The following IL21R variants were observed in gnomAD, a reference collection of about 807,000 sequenced individuals.
The protein encoded by IL21R is interleukin 21 receptor.
A neutral mutation model predicts 41.3 loss-of-function variants in IL21R; 14 were observed. That is an observed-to-expected ratio of 0.34 (90% CI 0.22 to 0.53). The LOEUF is 0.53. IL21R is among the 20% of genes least tolerant of loss of function. The pLI is 0.94. For synonymous variants in IL21R, 286 were observed against 287.6 expected (o/e 0.99, Z 0.05); for missense variants, 588 against 681.6 (o/e 0.86, Z 1.53).
intron 1 of IL21R, among the ~76,000 whole-genome samples, chr16:27,410,550 C>T (rs1361719779): frequency 1.3e-5 from 2 of 152,218 alleles, no homozygotes; most frequent in Non-Finnish European, 2.9e-5. Flanking sequence ...CCCACTTCAA[C>T]TGACCACCAG....
Position 27,418,011 on chromosome 16 carries a change from ATTTATTTTATTTTATTTTATTTTAT to A in IL21R, c.-16-12012_-16-11988del, listed in dbSNP as rs1171442663. 7.2e-4 allele frequency among the ~76,000 whole-genome samples: 71 copies of A among 97,970 alleles called. 1 individual carries two copies. The South Asian group carries it at 0.011, about 15-fold the overall frequency. The allele number at this position is 97,970 out of a possible 152,430, so 64.3% of individuals were successfully genotyped here. A position where few individuals can be genotyped will look rare whatever the true frequency, so the allele number is the denominator to read the frequency against. On this transcript the variant is annotated intron_variant, in intron 1 of 8. Coordinates refer to ENST00000337929, the MANE Select transcript of IL21R (RefSeq NM_181078.3). ...CTTACTGTAACATTTTTCCTATTTT[ATTTATTTTATTTTATTTTATTTTAT>A]TTTATTTTATTTTATTTTATTTTAT...
intron 1 of IL21R, among the ~76,000 whole-genome samples, chr16:27,418,851 C>G (rs894530207): frequency 4.6e-5 from 7 of 150,586 alleles, no homozygotes; most frequent in African/African-American, 1.5e-4. Context: ...ATTCTAAAAG[C>G]CTTTTTATAT....
At chr16:27,419,620 G>T (rs959837701) in intron 1 of IL21R, among the ~76,000 whole-genome samples, 1 of 152,082 alleles carries the variant, frequency 6.6e-6, no homozygotes, top group African/African-American at 2.4e-5. Context: ...TAGAGATGGG[G>T]TTTCACCATG....
chr16:27,418,438 A>G (rs544311307), intron 1 of IL21R, among the ~76,000 whole-genome samples: 11 of 146,386 alleles, frequency 7.5e-5, no homozygotes, highest in South Asian at 6.6e-4. Flanking sequence ...TCGCGATCTC[A>G]GCTCACTGCA....
chr16:27,418,011 ATTTATTTTATTTTATTTTAT>A (rs1171442663), intron 1 of IL21R, among the ~76,000 whole-genome samples: 6,449 of 97,884 alleles, frequency 0.066, 225 homozygotes, highest in South Asian at 0.16. Flanking sequence ...TTCCTATTTT[ATTTATTTTATTTTATTTTAT>A]TTTATTTTAT....
rs3093304 is a variant in IL21R, at chr16:27,429,635, G to A, written c.-16-421G>A. Reference sequence around the variant, plus strand: ...AAAATGTTTTAAAAATTAGCCAGGCGTGGTGGCACGTGCCTTTGGTCCCAG... The same window carrying A: ...AAAATGTTTTAAAAATTAGCCAGGCATGGTGGCACGTGCCTTTGGTCCCAG... On this transcript the variant is annotated intron_variant, in intron 1 of 8. Coordinates refer to ENST00000337929, the MANE Select transcript of IL21R (RefSeq NM_181078.3). Among the ~76,000 whole-genome samples, 1,397 of 152,148 alleles carry A rather than the reference G, an allele frequency of 9.2e-3. 15 individuals are homozygous for A. Among genetic ancestry groups the A allele is most frequent in the African/African-American group, 0.031 (1,305 of 41,490 alleles).
In IL21R at chr16:27,444,651, C is replaced by T; in HGVS notation, c.617C>T (p.Pro206Leu). The T allele has an allele frequency of 6.3e-7, 1 of 1,582,120 alleles. No homozygotes were observed. The highest frequency in any genetic ancestry group is 8.6e-7 in the Non-Finnish European group (1 of 1,164,320). Residue 206 changes from proline to leucine, a missense_variant, in exon 6 of 9, where the codon CCT becomes CTT. Physicochemically the swap from Pro to Leu is moderately conservative, Grantham distance 98. Coordinates refer to ENST00000337929, the MANE Select transcript of IL21R (RefSeq NM_181078.3). Reference sequence around the variant, plus strand: ...CTGCAGGTGCGGGCAGGGCCCATGCCTGGCTCCTCCTACCAGGGGACCTGG... The same window carrying T: ...CTGCAGGTGCGGGCAGGGCCCATGCTTGGCTCCTCCTACCAGGGGACCTGG... ...YELQVRAGPM[P>L]GSSYQGTWSE...
chr16:27,422,057 G>A (rs1231561330), intron 1 of IL21R, among the ~76,000 whole-genome samples: 1 of 151,770 alleles, frequency 6.6e-6, no homozygotes, highest in African/African-American at 2.4e-5. Context: ...ATTTTTTTCT[G>A]GATATAAAAT....
intron 1 of IL21R, among the ~76,000 whole-genome samples, chr16:27,403,433 G>A (rs961473835): frequency 6.6e-6 from 1 of 152,108 alleles, no homozygotes; most frequent in Non-Finnish European, 1.5e-5. Context: ...GCTGCTGCGA[G>A]GAGGACATCT....
Position 27,439,036 on chromosome 16 carries a change from TC to T in IL21R, c.352+1350del, listed in dbSNP as rs1472270111. On this transcript the variant is annotated intron_variant, in intron 4 of 8. Transcript: ENST00000337929. The stretch of plus-strand genomic sequence containing the variant: ...CCTCAGGAAGGCCCCGCCCATGAGC[TC>T]GGGAGTTTCTGCCGCTAGATTCCCA... Among the ~76,000 whole-genome samples, 7 of 152,090 alleles carry T rather than the reference TC, an allele frequency of 4.6e-5. No homozygotes were observed. The East Asian group carries it at 1.4e-3, about 30-fold the overall frequency.
rs886384963 is a variant in IL21R, at chr16:27,450,037, G to A, written c.*754G>A. The A allele has an allele frequency of 8.6e-6, 2 of 232,570 alleles. No homozygotes were observed. Among genetic ancestry groups the A allele is most frequent in the Admixed American group, 1.1e-4 (2 of 17,762 alleles). The allele number at this position is 232,570 out of a possible 1,614,324, so 14.4% of individuals were successfully genotyped here. A position where few individuals can be genotyped will look rare whatever the true frequency, so the allele number is the denominator to read the frequency against. ...CGATGTCACCCGTGTACGGTACGCA[G>A]CCCAGAGCAGACCCTCAATAAACGT... On this transcript the variant is annotated 3_prime_UTR_variant, in exon 9 of 9. Transcript: ENST00000337929.
At position 27,442,981 on chromosome 16, in the gene IL21R, C is replaced by T; in HGVS notation, c.372C>T (p.Phe124=). 6.3e-7 allele frequency: 1 copy of T among 1,594,474 alleles called. No homozygotes were observed. The highest frequency in any genetic ancestry group is 8.5e-7 in the Non-Finnish European group (1 of 1,170,584). ...ACCAAGTCAAGCCGGCTCCCCCTTT[C>T]AACGTGACTGTGACCTTCTCAGGAC... is the stretch of plus-strand genomic sequence containing the variant. ...LAESIKPAPP[F]NVTVTFSGQY... The change falls in exon 5 of 9, where the codon TTC becomes TTT. Residue 124 remains phenylalanine, a synonymous_variant. Coordinates refer to ENST00000337929, the MANE Select transcript of IL21R (RefSeq NM_181078.3).
intron 1 of IL21R, chr16:27,427,460 A>C: frequency 2.9e-6 from 1 of 344,484 alleles, no homozygotes; most frequent in Non-Finnish European, 4.1e-6. Flanking sequence ...CAATAGTGCA[A>C]TCATGGCTCA....
intron 8 of IL21R, chr16:27,448,130 CTG>C (rs1186866087): frequency 1.7e-5 from 3 of 172,496 alleles, no homozygotes. Flanking sequence ...TGTCTTGTCT[CTG>C]TGTCTGTGTC....
intron 4 of IL21R, among the ~76,000 whole-genome samples, chr16:27,441,046 C>CAAA (rs35321284): frequency 2.9e-4 from 20 of 68,260 alleles, no homozygotes; most frequent in African/African-American, 4.1e-4. Flanking sequence ...GATTCTGTCT[C>CAAA]AAAAAAAAAA....
At chr16:27,413,730 A>C (rs1364753308) in intron 1 of IL21R, among the ~76,000 whole-genome samples, 1 of 152,000 alleles carries the variant, frequency 6.6e-6, no homozygotes, top group African/African-American at 2.4e-5. Context: ...ATTCGTTGGC[A>C]TATAATTGTT....
At chr16:27,438,157 C>T (rs959013756) in intron 4 of IL21R, among the ~76,000 whole-genome samples, 1 of 152,146 alleles carries the variant, frequency 6.6e-6, no homozygotes, top group Non-Finnish European at 1.5e-5. Flanking sequence ...TCAGCTCTGC[C>T]CATCTGTGTG....
intron 3 of IL21R, among the ~76,000 whole-genome samples, chr16:27,436,709 A>G (rs1241411350): frequency 6.6e-6 from 1 of 152,162 alleles, no homozygotes; most frequent in East Asian, 1.9e-4. Flanking sequence ...CCAGAAGTCC[A>G]CCCAGAGGAG....
intron 1 of IL21R, among the ~76,000 whole-genome samples, chr16:27,429,649 C>T (rs3093394): frequency 0.014 from 2,205 of 152,124 alleles, 16 homozygotes; most frequent in Non-Finnish European, 0.023. Flanking sequence ...TGGCACGTGC[C>T]TTTGGTCCCA....
Sources: gnomAD v4.1 joint callset for allele counts (sites outside exome capture counted in the v4.1 genomes callset) on GRCh38, gnomAD v4.1.1 for gene constraint, MANE v1.5 for transcripts, NCBI Gene and HGNC (gene_info 2026-07-23, HGNC 2026-07-21) for gene names.